The following RNPS1 variants were observed in gnomAD, a reference collection of about 807,000 sequenced individuals.
The protein encoded by RNPS1 is RNA-binding protein with serine-rich domain 1.
For synonymous variants in RNPS1, 147 were observed against 150.0 expected (o/e 0.98, Z 0.15); for missense variants, 300 against 427.6 (o/e 0.70, Z 2.63).
intron 6 of RNPS1, among the ~76,000 whole-genome samples, chr16:2,260,643 T>C (rs1470576625): frequency 6.6e-6 from 1 of 152,180 alleles, no homozygotes; most frequent in Non-Finnish European, 1.5e-5. Flanking sequence ...AACTCACAGG[T>C]ATTTAATTGT....
At chr16:2,259,123 C>CAAAA (rs34193204) in intron 6 of RNPS1, among the ~76,000 whole-genome samples, 2 of 113,706 alleles carry the variant, frequency 1.8e-5, no homozygotes, top group African/African-American at 7.2e-5. Context: ...AAAAAAGTCT[C>CAAAA]AAAAAAAAAA....
intron 1 of RNPS1, chr16:2,267,768 G>C: frequency 7.5e-7 from 1 of 1,336,978 alleles, no homozygotes; most frequent in Admixed American, 4.1e-5. Flanking sequence ...CGGAGGCCGC[G>C]CTCCCCGCTG....
chr16:2,256,258 A>G (rs1285512319), intron 6 of RNPS1: 1 of 159,928 alleles, frequency 6.3e-6, no homozygotes, highest in Admixed American at 6.0e-5. Flanking sequence ...ATCCAAGTCA[A>G]GAGCTAAAGA....
At position 2,263,130 on chromosome 16, in the gene RNPS1, G is replaced by C. The variant is rs779084671; in HGVS notation, c.385C>G (p.Arg129Gly). The change falls in exon 4 of 8, where the codon CGC (arginine) becomes GGC (glycine). Residue 129 changes from arginine (R) to glycine (G), a missense_variant. Coordinates refer to ENST00000320225, the MANE Select transcript of RNPS1 (RefSeq NM_080594.4). ...SSSGSPSPSR[R>G]RHDNRRRSRS... is the part of the protein sequence containing the mutation. ...GAGCGCCTCCTGTTGTCGTGTCTGC[G>C]CCGAGAAGGACTTGGAGAGCCAGAA... is the stretch of plus-strand genomic sequence containing the variant. 1 of 1,613,258 alleles carries C rather than the reference G, an allele frequency of 6.2e-7. No individual in the cohort carries two copies. Among genetic ancestry groups the C allele is most frequent in the South Asian group, 1.1e-5 (1 of 91,044 alleles).
At chr16:2,264,353 G>A (rs2093616310) in intron 2 of RNPS1, 22 bp from the exon 3 acceptor site, 2 of 1,613,954 alleles carry the variant, frequency 1.2e-6, no homozygotes, top group Non-Finnish European at 1.7e-6. Context: ...GGAAGAGTGT[G>A]AGATTGCGTG....
At chr16:2,261,559 G>A (rs1189008828) in intron 6 of RNPS1, among the ~76,000 whole-genome samples, 2 of 152,228 alleles carry the variant, frequency 1.3e-5, no homozygotes. Context: ...GATTGTGGCA[G>A]GCCAGGTCTC....
intron 1 of RNPS1, chr16:2,266,252 G>C: frequency 1.0e-6 from 1 of 985,466 alleles, no homozygotes; most frequent in Non-Finnish European, 1.2e-6. Context: ...GCTTTGAACA[G>C]TCAAATGAGA....
At position 2,254,042 on chromosome 16, in the gene RNPS1, C is replaced by T; in HGVS notation, c.840G>A (p.Arg280=). The T allele has an allele frequency of 2.0e-6, 3 of 1,497,102 alleles. No homozygotes were observed. The highest frequency in any genetic ancestry group is 2.7e-6 in the Non-Finnish European group (3 of 1,120,024). 92.7% of individuals were successfully genotyped at this position (1,497,102 alleles called of 1,614,324 possible). A position where few individuals can be genotyped will look rare whatever the true frequency, so the allele number is the denominator to read the frequency against. ...MRRRSRSPRR[R]SPVRRRSRSP... ...ACCGTGATCTCCGGCGCACGGGGGA[C>T]CTGCGCCTCGGGGAGCGGGACCTGC... The change falls in exon 8 of 8, where the codon AGG becomes AGA. Residue 280 remains arginine, a synonymous_variant. Coordinates refer to ENST00000320225, the MANE Select transcript of RNPS1 (RefSeq NM_080594.4).
intron 7 of RNPS1, among the ~76,000 whole-genome samples, 188 bp downstream of exon 7, chr16:2,255,397 C>CA (rs1444627116): frequency 7.9e-5 from 12 of 152,354 alleles, no homozygotes; most frequent in African/African-American, 2.9e-4. Flanking sequence ...AACTCTAGGG[C>CA]GTCTCCTGCC....
Position 2,264,727 on chromosome 16 carries a change from C to T in RNPS1, c.-84G>A. ...TTCTAACTTGATTCTGAGAAACGAT[C>T]CCTAATCGATTGCAATTTACGCCAA... On this transcript the variant is annotated 5_prime_UTR_variant, in exon 2 of 8. Coordinates refer to ENST00000320225, the MANE Select transcript of RNPS1 (RefSeq NM_080594.4). 6.3e-7 allele frequency: 1 copy of T among 1,583,802 alleles called. No individual in the cohort carries two copies. The highest frequency in any genetic ancestry group is 8.5e-7 in the Non-Finnish European group (1 of 1,171,638).
chr16:2,260,923 G>C (rs976982652), intron 6 of RNPS1, among the ~76,000 whole-genome samples: 3 of 152,174 alleles, frequency 2.0e-5, no homozygotes, highest in African/African-American at 7.2e-5. Context: ...AAGGTCAGGA[G>C]ATCCAGACCA....
At chr16:2,254,117 A>G in intron 7 of RNPS1, 54 bp from the exon 8 acceptor site, 2 of 1,286,304 alleles carry the variant, frequency 1.6e-6, no homozygotes, top group South Asian at 3.2e-5. Context: ...GGGGCAAGCT[A>G]GCTTCTTTCT....
intron 6 of RNPS1, among the ~76,000 whole-genome samples, chr16:2,261,910 G>A (rs1425841288): frequency 1.3e-5 from 2 of 152,308 alleles, no homozygotes; most frequent in East Asian, 1.9e-4. Flanking sequence ...TAGATTAAAA[G>A]TCAGTAACTT....
chr16:2,260,367 G>A (rs572862886), intron 6 of RNPS1, among the ~76,000 whole-genome samples: 20 of 152,102 alleles, frequency 1.3e-4, no homozygotes, highest in Non-Finnish European at 2.6e-4. Context: ...TGTTGGCCAC[G>A]CTGGTCTCAA....
In RNPS1 at chr16:2,253,309, A is replaced by G. The variant is rs2093559833; in HGVS notation, c.*655T>C. On this transcript the variant is annotated 3_prime_UTR_variant, in exon 8 of 8. Transcript: ENST00000320225. ...GTACATGTTGCCAAGATAACCTGAAAGACCACCATGAACGGCAGGCACAAC... is the reference window on the plus strand; with the variant it reads ...GTACATGTTGCCAAGATAACCTGAAGGACCACCATGAACGGCAGGCACAAC... The G allele has an allele frequency of 6.5e-6, 1 of 152,868 alleles. No individual in the cohort carries two copies. Among genetic ancestry groups the G allele is most frequent in the African/African-American group, 2.4e-5 (1 of 41,470 alleles). 9.5% of individuals were successfully genotyped at this position (152,868 alleles called of 1,614,324 possible).
At chr16:2,256,217 C>G (rs962081907) in intron 6 of RNPS1, 4 of 166,748 alleles carry the variant, frequency 2.4e-5, no homozygotes, top group Non-Finnish European at 5.2e-5. Context: ...CCAATCTCCA[C>G]GTGTCGAGGC....
At position 2,253,210 on chromosome 16, in the gene RNPS1, T is replaced by A. The variant is rs1166436631; in HGVS notation, c.*754A>T. On this transcript the variant is annotated 3_prime_UTR_variant, in exon 8 of 8. Coordinates refer to ENST00000320225, the MANE Select transcript of RNPS1 (RefSeq NM_080594.4). ...AATGTCATCTAAAATGCTACAAAGG[T>A]ATAAAACTCAAAAGAGAAATTTTAT... The A allele has an allele frequency of 6.6e-6, 1 of 152,488 alleles. No individual in the cohort carries two copies. The highest frequency in any genetic ancestry group is 1.5e-5 in the Non-Finnish European group (1 of 68,034). 9.4% of individuals were successfully genotyped at this position (152,488 alleles called of 1,614,324 possible). A position where few individuals can be genotyped will look rare whatever the true frequency, so the allele number is the denominator to read the frequency against.
chr16:2,262,114 C>T lies in RNPS1; in HGVS notation c.676+164G>A, dbSNP rs145181588. ...TATTGGGCCATGAGAAATAGCAGCC[C>T]AAACCTCAGTTTGGTCCAGGAACTG... is the stretch of plus-strand genomic sequence containing the variant. On this transcript the variant is annotated intron_variant, in intron 6 of 7. Transcript: ENST00000320225. 944 of 577,222 alleles carry T rather than the reference C, an allele frequency of 1.6e-3. 5 individuals are homozygous for T. Among genetic ancestry groups the T allele is most frequent in the Middle Eastern group, 8.4e-3 (18 of 2,142 alleles). 35.8% of individuals were successfully genotyped at this position (577,222 alleles called of 1,614,324 possible).
intron 6 of RNPS1, among the ~76,000 whole-genome samples, chr16:2,261,049 G>C (rs575172788): frequency 6.6e-6 from 1 of 152,016 alleles, no homozygotes; most frequent in Admixed American, 6.6e-5. Context: ...AGAATGGCAT[G>C]AACCTGGTAG....
Sources: allele counts gnomAD v4.1 joint callset (sites outside exome capture counted in the v4.1 genomes callset), GRCh38; gene constraint gnomAD v4.1.1; transcripts MANE v1.5; gene names NCBI Gene and HGNC (gene_info 2026-07-23, HGNC 2026-07-21).